The following DAGLA variants were observed in gnomAD, a reference collection of about 807,000 sequenced individuals.
DAGLA encodes the protein diacylglycerol lipase-alpha.
In DAGLA, 22 loss-of-function variants were observed where a neutral mutation model predicts 102.6. The observed-to-expected ratio is 0.21, with a 90% confidence interval of 0.15 to 0.31. The LOEUF (loss-of-function observed/expected upper bound fraction) is 0.31. Among genes scored for constraint, DAGLA ranks in the 10% least tolerant of loss-of-function variants. The pLI, the probability that DAGLA is intolerant of heterozygous loss-of-function variation, is 1.00. For synonymous variants in DAGLA, 578 were observed against 628.9 expected (o/e 0.92, Z 1.21); for missense variants, 927 against 1,446.6 (o/e 0.64, Z 5.83).
At chr11:61,715,326 A>T (rs998915870) in intron 1 of DAGLA, among the ~76,000 whole-genome samples, 1 of 152,146 alleles carries the variant, frequency 6.6e-6, no homozygotes, top group African/African-American at 2.4e-5. Context: ...CCTCTATCCC[A>T]TCCCCAGGCC....
chr11:61,744,405 G>T lies in DAGLA; in HGVS notation c.3045G>T (p.Ala1015=). 1 of 1,610,884 alleles carries T rather than the reference G, an allele frequency of 6.2e-7. No individual in the cohort carries two copies. The highest frequency in any genetic ancestry group is 1.3e-5 in the African/African-American group (1 of 75,004). ...PTGLSSQECL[A]ADKIRTSTPT... ...GCCTCAGTAGCCAGGAATGCCTGGC[G>T]GCTGACAAGATCCGGACTTCTACCC... is the stretch of plus-strand genomic sequence containing the variant. Residue 1015 remains alanine, a synonymous_variant, in exon 20 of 20, where the codon GCG becomes GCT. Coordinates refer to ENST00000257215, the MANE Select transcript of DAGLA (RefSeq NM_006133.3).
chr11:61,715,954 G>A (rs1241048128), intron 1 of DAGLA, among the ~76,000 whole-genome samples: 1 of 152,232 alleles, frequency 6.6e-6, no homozygotes, highest in African/African-American at 2.4e-5. Context: ...GGGGGGGAGA[G>A]GGTTCTCCCT....
intron 3 of DAGLA, among the ~76,000 whole-genome samples, 184 bp from the exon 4 acceptor site, chr11:61,722,675 G>T (rs2135583988): frequency 6.6e-6 from 1 of 152,190 alleles, no homozygotes; most frequent in Non-Finnish European, 1.5e-5. Flanking sequence ...GGACCAAATG[G>T]TGACAGGACG....
intron 1 of DAGLA, among the ~76,000 whole-genome samples, chr11:61,713,081 C>G (rs1565253560): frequency 6.6e-6 from 1 of 152,190 alleles, no homozygotes; most frequent in Non-Finnish European, 1.5e-5. Flanking sequence ...GACTCCACAG[C>G]CTGCTCCGTG....
In DAGLA at chr11:61,726,067, G is replaced by C; in HGVS notation, c.621G>C (p.Thr207=). The change falls in exon 6 of 20, where the codon ACG becomes ACC. Residue 207 remains threonine (T), a synonymous_variant. Coordinates refer to ENST00000257215, the MANE Select transcript of DAGLA (RefSeq NM_006133.3). ...AAGTGTTCCTCTGCTGCACGCGGAC[G>C]AAGGACTCCCAGTCAGTAAGTACTG... ...RLKVFLCCTR[T]KDSQSDAYSE... is the part of the protein sequence containing the mutation. The C allele has an allele frequency of 6.2e-7, 1 of 1,612,478 alleles. No homozygotes were observed. The highest frequency in any genetic ancestry group is 8.5e-7 in the Non-Finnish European group (1 of 1,180,042).
At chr11:61,687,624 C>T (rs1253535564) in intron 1 of DAGLA, among the ~76,000 whole-genome samples, 5 of 152,158 alleles carry the variant, frequency 3.3e-5, no homozygotes, top group African/African-American at 9.6e-5. Context: ...TGAGCCACCG[C>T]GCCTGGCCAA....
chr11:61,741,106 C>A, intron 18 of DAGLA, 56 bp from the exon 19 acceptor site: 1 of 1,516,722 alleles, frequency 6.6e-7, no homozygotes, highest in Non-Finnish European at 8.9e-7. Context: ...ACATCGGCCC[C>A]ACGATGGGGC....
chr11:61,724,658 C>G (rs1416591543), intron 5 of DAGLA, among the ~76,000 whole-genome samples: 3 of 152,190 alleles, frequency 2.0e-5, no homozygotes, highest in Admixed American at 6.5e-5. Context: ...CAGAGCCACA[C>G]CCGTGCCTGC....
At chr11:61,689,213 A>T (rs2065006815) in intron 1 of DAGLA, among the ~76,000 whole-genome samples, 1 of 152,232 alleles carries the variant, frequency 6.6e-6, no homozygotes, top group African/African-American at 2.4e-5. Flanking sequence ...AGGCTGCAGA[A>T]TCACTGCGCA....
Position 61,684,232 on chromosome 11 carries a change from G to A in DAGLA, c.-45+3728G>A, listed in dbSNP as rs949916668. 3.9e-5 allele frequency among the ~76,000 whole-genome samples: 6 copies of A among 152,214 alleles called. No homozygotes were observed. Among genetic ancestry groups the A allele is most frequent in the Non-Finnish European group, 7.3e-5 (5 of 68,042 alleles). ...ACTCTGTGATTTCAATTTCTCACCG[G>A]AATAGCTTTACATTACACTCCAGTG... is the stretch of plus-strand genomic sequence containing the variant. On this transcript the variant is annotated intron_variant, in intron 1 of 19. Coordinates refer to ENST00000257215, the MANE Select transcript of DAGLA (RefSeq NM_006133.3). This position sits in a 1 kb window ranked among gnomAD's most constrained non-coding sequence, Gnocchi z 4.5.
intron 6 of DAGLA, among the ~76,000 whole-genome samples, chr11:61,727,643 G>A (rs755803444): frequency 7.2e-5 from 11 of 152,226 alleles, no homozygotes; most frequent in African/African-American, 2.7e-4. Flanking sequence ...CATTGTGGGG[G>A]TCACTGAGCC....
At chr11:61,698,748 A>G (rs575545705) in intron 1 of DAGLA, among the ~76,000 whole-genome samples, 21 of 152,310 alleles carry the variant, frequency 1.4e-4, no homozygotes, top group Admixed American at 3.9e-4. Context: ...GCTGGGTGCC[A>G]AGGACACAGA....
chr11:61,735,203 G>A (rs2065412978), intron 10 of DAGLA, among the ~76,000 whole-genome samples: 1 of 152,202 alleles, frequency 6.6e-6, no homozygotes, highest in African/African-American at 2.4e-5. Flanking sequence ...CCACCTCTGG[G>A]GCTGGGAAAG....
rs114420216 is a variant in DAGLA, at chr11:61,704,426, A to G, written c.-44-15686A>G. On this transcript the variant is annotated intron_variant, in intron 1 of 19. Transcript: ENST00000257215. The stretch of plus-strand genomic sequence containing the variant: ...TGAGCCACTGTGCCCTGCCCGACCA[A>G]AGGATTTCTTTATGGCCAGCTCTTA... 3.1e-3 allele frequency among the ~76,000 whole-genome samples: 471 copies of G among 152,252 alleles called. 2 individuals carry two copies. The highest frequency in any genetic ancestry group is 0.011 in the African/African-American group (438 of 41,550).
At chr11:61,699,615 C>T (rs775229531) in intron 1 of DAGLA, among the ~76,000 whole-genome samples, 10 of 152,258 alleles carry the variant, frequency 6.6e-5, no homozygotes, top group Non-Finnish European at 1.3e-4. Context: ...AGGTCCGCCT[C>T]ACCCTTTGCA....
intron 6 of DAGLA, among the ~76,000 whole-genome samples, chr11:61,726,916 C>T (rs2065331816): frequency 6.6e-6 from 1 of 152,240 alleles, no homozygotes; most frequent in African/African-American, 2.4e-5. Flanking sequence ...GGGAGCACCC[C>T]CTTGGGTCTC....
chr11:61,715,931 C>T (rs990447594), intron 1 of DAGLA, among the ~76,000 whole-genome samples: 1 of 152,172 alleles, frequency 6.6e-6, no homozygotes, highest in Non-Finnish European at 1.5e-5. Flanking sequence ...CAGAACAGTT[C>T]ATCTAGCCAG....
chr11:61,718,992 G>A (rs1302341983), intron 1 of DAGLA, among the ~76,000 whole-genome samples: 4 of 152,180 alleles, frequency 2.6e-5, no homozygotes, highest in Non-Finnish European at 5.9e-5. Context: ...CGCCTGCCCC[G>A]GACCAGGTGC....
Position 61,743,604 on chromosome 11 carries a change from G to C in DAGLA, c.2244G>C (p.Ala748=). The change falls in exon 20 of 20, where the codon GCG becomes GCC. Residue 748 remains alanine (A), a synonymous_variant. Coordinates refer to ENST00000257215, the MANE Select transcript of DAGLA (RefSeq NM_006133.3). ...EGRLLSPVVA[A]AARQDPVELL... is the part of the protein sequence containing the mutation. ...GGCTGCTGTCGCCAGTGGTTGCGGC[G>C]GCGGCCCGCCAGGACCCGGTGGAGC... 1.3e-6 allele frequency: 2 copies of C among 1,575,282 alleles called. No individual in the cohort carries two copies. The highest frequency in any genetic ancestry group is 1.7e-6 in the Non-Finnish European group (2 of 1,165,944).
Sources: allele counts gnomAD v4.1 joint callset (sites outside exome capture counted in the v4.1 genomes callset), GRCh38; gene constraint gnomAD v4.1.1; non-coding constraint Gnocchi (gnomAD v3.1); transcripts MANE v1.5; gene names NCBI Gene and HGNC (gene_info 2026-07-23, HGNC 2026-07-21).